The following CEP164 variants were observed in gnomAD, a reference collection of about 807,000 sequenced individuals.
The protein encoded by CEP164 is centrosomal protein of 164 kDa.
Under a neutral mutation model 182.7 loss-of-function variants are expected in CEP164, and 162 were observed. That is an observed-to-expected ratio of 0.89 (90% CI 0.78 to 1.01). CEP164 has a LOEUF of 1.01. Ranked by LOEUF, CEP164 falls within the 50% of genes least tolerant of loss-of-function variation. The probability of loss-of-function intolerance (pLI) is 0.00; values close to 1 mark genes in which losing one functional copy is unlikely to be tolerated. For missense variants in CEP164, 1,735 were observed against 1,790.4 expected (o/e 0.97, Z 0.56); for synonymous variants, 661 against 690.0 (o/e 0.96, Z 0.66).
intron 9 of CEP164, among the ~76,000 whole-genome samples, chr11:117,372,290 G>T (rs1471965910): frequency 6.6e-6 from 1 of 151,792 alleles, no homozygotes; most frequent in Non-Finnish European, 1.5e-5. Flanking sequence ...GCATTTTTTA[G>T]TAGAGATGCG....
intron 7 of CEP164, 143 bp from the exon 8 acceptor site, chr11:117,363,286 G>A (rs984019791): frequency 2.5e-5 from 15 of 599,508 alleles, no homozygotes; most frequent in African/African-American, 1.9e-4. Flanking sequence ...CTGCCTCAGT[G>A]GTGGTCCTGC....
At chr11:117,358,336 A>C (rs991946187) in intron 5 of CEP164, among the ~76,000 whole-genome samples, 1 of 152,170 alleles carries the variant, frequency 6.6e-6, no homozygotes, top group African/African-American at 2.4e-5. Context: ...AGCCCTCAGC[A>C]TGCTTGTCTC....
At chr11:117,370,998 G>C in intron 8 of CEP164, 82 bp from the exon 9 acceptor site, 2 of 1,422,868 alleles carry the variant, frequency 1.4e-6, no homozygotes, top group South Asian at 2.9e-5. Flanking sequence ...TCAGGGAATA[G>C]CATTTCCATC....
At chr11:117,380,473 T>G (rs1285707928) in intron 11 of CEP164, 141 bp from the exon 12 acceptor site, 1 of 662,102 alleles carries the variant, frequency 1.5e-6, no homozygotes, top group Non-Finnish European at 2.6e-6. Flanking sequence ...AGATCAACCT[T>G]CTGTTCTACG....
rs71469129 is a variant in CEP164 at position 117,361,233 on chromosome 11, C to CTTT, written c.394-578_394-576dup. Among the ~76,000 whole-genome samples the CTTT allele has an allele frequency of 8.9e-5, 8 of 90,198 alleles. 1 individual carries two copies. Among genetic ancestry groups the CTTT allele is most frequent in the East Asian group, 6.8e-4 (2 of 2,938 alleles). The allele number at this position is 90,198 out of a possible 152,430, so 59.2% of individuals were successfully genotyped here. A position where few individuals can be genotyped will look rare whatever the true frequency, so the allele number is the denominator to read the frequency against. ...TACAGGCGTGAGCCACTGCGCCTGG[C>CTTT]TTTTTTTTTTTTTTTTTTTTTTTTT... On this transcript the variant is annotated intron_variant, in intron 5 of 32. Transcript: ENST00000278935.
At chr11:117,337,695 C>A (rs1166968991) in intron 2 of CEP164, among the ~76,000 whole-genome samples, 1 of 152,062 alleles carries the variant, frequency 6.6e-6, no homozygotes, top group African/African-American at 2.4e-5. Context: ...TGGGCAGCAG[C>A]CTCCTCAGGT....
Position 117,371,763 on chromosome 11 carries a change from C to T in CEP164, c.1152+297C>T, listed in dbSNP as rs1592222972. On this transcript the variant is annotated intron_variant, in intron 9 of 32. Transcript: ENST00000278935. The stretch of plus-strand genomic sequence containing the variant: ...TGTTCATTTTCTTTTCTCCTGCTTA[C>T]ATCCTCTCCTGCTTCCTACCTCCCT... Among the ~76,000 whole-genome samples the T allele has an allele frequency of 7.9e-5, 12 of 151,224 alleles. No individual in the cohort carries two copies. The South Asian group carries it at 2.5e-3, about 31-fold the overall frequency.
chr11:117,371,103 A>G lies in CEP164; in HGVS notation c.789A>G (p.Pro263=). ...EYEESLRTSQ[P]EEKKDVSLDS... is the part of the protein sequence containing the mutation. The stretch of plus-strand genomic sequence containing the variant: ...AGGAGTCTCTGAGAACAAGCCAGCC[A>G]GAGGAGAAGAAGGATGTTTCTCTGG... Residue 263 remains proline (P), a synonymous_variant, in exon 9 of 33, where the codon CCA becomes CCG. Coordinates refer to ENST00000278935, the MANE Select transcript of CEP164 (RefSeq NM_014956.5). The G allele has an allele frequency of 6.2e-7, 1 of 1,605,054 alleles. No individual in the cohort carries two copies. The highest frequency in any genetic ancestry group is 2.2e-5 in the East Asian group (1 of 44,674).
In CEP164 at chr11:117,373,849, G is replaced by A; in HGVS notation, c.1233+18G>A. ...ATGGCCTGGTGAGTTTGAGATGAGG[G>A]CAGTAGAGTGGTGGTGAAGAGCATA... On this transcript the variant is annotated intron_variant, in intron 10 of 32. Transcript: ENST00000278935. 6.2e-7 allele frequency: 1 copy of A among 1,605,208 alleles called. No individual in the cohort carries two copies. Among genetic ancestry groups the A allele is most frequent in the Non-Finnish European group, 8.5e-7 (1 of 1,171,934 alleles).
intron 6 of CEP164, 113 bp from the exon 7 acceptor site, chr11:117,362,291 A>G (rs1245120557): frequency 9.3e-6 from 11 of 1,186,426 alleles, no homozygotes; most frequent in African/African-American, 6.1e-5. Flanking sequence ...CTTCATGGAC[A>G]TGGTGGCACT....
rs1266300052 is a variant in CEP164, at chr11:117,412,195, C to T, written c.*27C>T. ...GCCCTGAGCAGGGGCTTGGGGCAGCCCAGCCTCTCCTCCACCCAGACCAAG... is the reference window on the plus strand; with the variant it reads ...GCCCTGAGCAGGGGCTTGGGGCAGCTCAGCCTCTCCTCCACCCAGACCAAG... On this transcript the variant is annotated 3_prime_UTR_variant, in exon 33 of 33. Coordinates refer to ENST00000278935, the MANE Select transcript of CEP164 (RefSeq NM_014956.5). 3 of 1,597,956 alleles carry T rather than the reference C, an allele frequency of 1.9e-6. No individual in the cohort carries two copies. Among genetic ancestry groups the T allele is most frequent in the Admixed American group, 1.7e-5 (1 of 59,352 alleles).
intron 24 of CEP164, 27 bp from the exon 25 acceptor site, chr11:117,396,027 G>A (rs1361664345): frequency 3.7e-6 from 6 of 1,613,734 alleles, no homozygotes; most frequent in Non-Finnish European, 5.1e-6. Context: ...CCGCTGCCCT[G>A]CCTCTCACTC....
intron 11 of CEP164, among the ~76,000 whole-genome samples, chr11:117,377,548 G>T (rs2042884710): frequency 6.6e-6 from 1 of 152,198 alleles, no homozygotes; most frequent in African/African-American, 2.4e-5. Context: ...AGCTGGAGGA[G>T]AGAGCAGCAG....
chr11:117,356,228 T>C, intron 5 of CEP164: 1 of 1,096,594 alleles, frequency 9.1e-7, no homozygotes, highest in Non-Finnish European at 1.1e-6. Context: ...TGAAGACTAC[T>C]CTGAGGACCA....
chr11:117,338,692 G>C (rs200349749), intron 3 of CEP164, 24 bp downstream of exon 3: 1 of 1,545,774 alleles, frequency 6.5e-7, no homozygotes, highest in East Asian at 2.2e-5. Flanking sequence ...GAAGAGGCCT[G>C]TGGTGTATTG....
Position 117,356,935 on chromosome 11 carries a change from A to G in CEP164, c.394-4900A>G, listed in dbSNP as rs549774095. On this transcript the variant is annotated intron_variant, in intron 5 of 32. Coordinates refer to ENST00000278935, the MANE Select transcript of CEP164 (RefSeq NM_014956.5). ...TGAGCAGAACGTCGCTAATCCTGGC[A>G]TTCGTGCAGGATATAAACACCTTCC... is the stretch of plus-strand genomic sequence containing the variant. Among the ~76,000 whole-genome samples, 11 of 152,226 alleles carry G rather than the reference A, an allele frequency of 7.2e-5. No individual in the cohort carries two copies. In the South Asian group the frequency reaches 1.9e-3, roughly 26 times the overall value.
chr11:117,390,996 C>T lies in CEP164; in HGVS notation c.2067-3C>T. 6.2e-7 allele frequency: 1 copy of T among 1,614,072 alleles called. No individual in the cohort carries two copies. The highest frequency in any genetic ancestry group is 8.5e-7 in the Non-Finnish European group (1 of 1,180,026). ...CCGTTACCATTCCACTGTGTCCACC[C>T]AGGGCTGAGCAAGAGGCTTCCCTGC... On this transcript the variant is annotated splice_region_variant and splice_polypyrimidine_tract_variant and intron_variant, in intron 16 of 32. Coordinates refer to ENST00000278935, the MANE Select transcript of CEP164 (RefSeq NM_014956.5).
In CEP164 at chr11:117,409,999, G is replaced by T; in HGVS notation, c.4096+34G>T. On this transcript the variant is annotated intron_variant, in intron 30 of 32. Coordinates refer to ENST00000278935, the MANE Select transcript of CEP164 (RefSeq NM_014956.5). The surrounding 1 kb of genome is among the most constrained non-coding windows in gnomAD (Gnocchi z 4.4). ...CACTCTGGGCGGAGCCTTCCCACCTGCCTCCTCCTCCTCCTCTTCCTTCCT... is the reference window on the plus strand; with the variant it reads ...CACTCTGGGCGGAGCCTTCCCACCTTCCTCCTCCTCCTCCTCTTCCTTCCT... The T allele has an allele frequency of 6.4e-7, 1 of 1,573,176 alleles. No individual in the cohort carries two copies.
In CEP164 at chr11:117,409,999, GCCT is replaced by G. The variant is rs746486767; in HGVS notation, c.4096+48_4096+50del. 6.9e-5 allele frequency: 108 copies of G among 1,572,138 alleles called. No individual in the cohort carries two copies. The highest frequency in any genetic ancestry group is 1.7e-4 in the Middle Eastern group (1 of 5,998). ...CACTCTGGGCGGAGCCTTCCCACCT[GCCT>G]CCTCCTCCTCCTCTTCCTTCCTTTT... On this transcript the variant is annotated intron_variant, in intron 30 of 32. Coordinates refer to ENST00000278935, the MANE Select transcript of CEP164 (RefSeq NM_014956.5). The surrounding 1 kb of genome is among the most constrained non-coding windows in gnomAD (Gnocchi z 4.4).
Sources: allele counts gnomAD v4.1 joint callset (sites outside exome capture counted in the v4.1 genomes callset), GRCh38; gene constraint gnomAD v4.1.1; non-coding constraint Gnocchi (gnomAD v3.1); transcripts MANE v1.5; gene names NCBI Gene and HGNC (gene_info 2026-07-23, HGNC 2026-07-21).